Variants in EDA observed in about 807,000 individuals in gnomAD.
The protein encoded by EDA is ectodysplasin-A.
Under a neutral mutation model 23.6 loss-of-function variants are expected in EDA, and 2 were observed. The observed-to-expected ratio is 0.08, with a 90% CI of 0.03 to 0.27. The LOEUF (loss-of-function observed/expected upper bound fraction) is 0.27, where lower values mean the gene tolerates loss of function less well. EDA is among the 10% of genes least tolerant of loss of function. The probability of loss-of-function intolerance (pLI) is 1.00; values close to 1 mark genes in which losing one functional copy is unlikely to be tolerated. For missense variants in EDA, 229 were observed against 324.2 expected (o/e 0.71, Z 2.26); for synonymous variants, 131 against 132.0 (o/e 0.99, Z 0.05).
chrX:69,947,021 C>G (rs1386618366), intron 1 of EDA, among the ~76,000 whole-genome samples: 1 of 112,464 alleles, frequency 8.9e-6, no homozygotes, highest in Non-Finnish European at 1.9e-5. Flanking sequence ...GAATCCAGAG[C>G]TCATTTAATT....
At chrX:69,779,173 A>T (rs759012501) in intron 1 of EDA, among the ~76,000 whole-genome samples, 1 of 111,688 alleles carries the variant, frequency 9.0e-6, no homozygotes, top group South Asian at 3.7e-4. Context: ...TTCCATTCTA[A>T]GGTATATACC....
At chrX:69,810,508 G>A (rs2015928647) in intron 1 of EDA, among the ~76,000 whole-genome samples, 1 of 107,346 alleles carries the variant, frequency 9.3e-6, no homozygotes. Flanking sequence ...TGTAATCCCA[G>A]CACTTTGGGA....
chrX:69,734,493 T>C (rs1263724200), intron 1 of EDA, among the ~76,000 whole-genome samples: 2 of 112,009 alleles, frequency 1.8e-5, no homozygotes, highest in Non-Finnish European at 3.8e-5. Flanking sequence ...TTTGCTCTTC[T>C]TTCTTTAGTG....
chrX:69,711,318 C>T (rs1569304408), intron 1 of EDA, among the ~76,000 whole-genome samples: 1 of 111,552 alleles, frequency 9.0e-6, no homozygotes, highest in Non-Finnish European at 1.9e-5. Context: ...TATGTTGAAC[C>T]AGCCTTGCAT....
chrX:69,845,256 T>C (rs1457015003), intron 1 of EDA, among the ~76,000 whole-genome samples: 1 of 112,563 alleles, frequency 8.9e-6, no homozygotes, highest in East Asian at 2.8e-4. Flanking sequence ...TTACAGTTGG[T>C]TTTAGTGATG....
intron 1 of EDA, among the ~76,000 whole-genome samples, chrX:69,879,154 G>T (rs1048197919): frequency 1.8e-5 from 2 of 109,460 alleles, no homozygotes; most frequent in Non-Finnish European, 3.8e-5. Context: ...TCTGGAACCT[G>T]CACTGTGGAC....
At position 69,822,214 on chromosome X, in the gene EDA, G is replaced by C. The variant is rs141973709; in HGVS notation, c.397-134813G>C. 6.2e-3 allele frequency among the ~76,000 whole-genome samples: 685 copies of C among 110,770 alleles called. 16 individuals carry two copies. Among genetic ancestry groups the C allele is most frequent in the Admixed American group, 0.053 (550 of 10,298 alleles). On this transcript the variant is annotated intron_variant, in intron 1 of 7. Coordinates refer to ENST00000374552, the MANE Select transcript of EDA (RefSeq NM_001399.5). ...GCAGGAGGATGACTTGAGCCAAGGA[G>C]TTCAGGGTTACAATGAGCTATGATC...
intron 1 of EDA, among the ~76,000 whole-genome samples, chrX:69,743,243 T>C (rs1397905803): frequency 1.8e-5 from 2 of 111,871 alleles, no homozygotes; most frequent in African/African-American, 6.5e-5. Context: ...CCGCCGTTGC[T>C]ACTACTACTA....
chrX:69,699,908 G>A (rs2011485979), intron 1 of EDA, among the ~76,000 whole-genome samples: 1 of 110,590 alleles, frequency 9.0e-6, no homozygotes, highest in African/African-American at 3.3e-5. Context: ...GTAGAGTGAA[G>A]GAGGGAACCC....
Position 69,616,648 on chromosome X carries a change from CA to C in EDA, c.341del (p.Gln114ArgfsTer23). On this transcript the variant is annotated frameshift_variant, in exon 1 of 8. Transcript: ENST00000374552. LOFTEE classifies it high-confidence loss of function. ...SHLGQPSPKQ[Q>X]PLEPGEAALH... ...CCTTGGGCAGCCGTCACCTAAGCAG[CA>C]GCCATTGGAACCGGGAGAAGCCGCA... 8.3e-7 allele frequency: 1 copy of C among 1,211,767 alleles called. No individual in the cohort carries two copies. The highest frequency in any genetic ancestry group is 1.1e-6 in the Non-Finnish European group (1 of 895,426).
chrX:69,726,676 G>T (rs2012816020), intron 1 of EDA, among the ~76,000 whole-genome samples: 1 of 112,409 alleles, frequency 8.9e-6, no homozygotes, highest in Non-Finnish European at 1.9e-5. Flanking sequence ...CTAGAGGCTG[G>T]AAAGTCCAAG....
intron 1 of EDA, among the ~76,000 whole-genome samples, chrX:69,822,652 A>G (rs1403821264): frequency 1.8e-5 from 2 of 112,003 alleles, no homozygotes; most frequent in Non-Finnish European, 3.8e-5. Flanking sequence ...AGATTAGACT[A>G]AATAAGTTCT....
rs187606572 is a variant in EDA at position 69,980,836 on chromosome X, T to G, written c.502+23704T>G. Among the ~76,000 whole-genome samples, 310 of 112,035 alleles carry G rather than the reference T, an allele frequency of 2.8e-3. 2 individuals are homozygous for G. The highest frequency in any genetic ancestry group is 3.1e-3 in the Non-Finnish European group (163 of 53,204). On this transcript the variant is annotated intron_variant, in intron 2 of 7. Transcript: ENST00000374552. ...GATATGTTAAATAACTTGAGTAGAG[T>G]TACAGGTGGTGTGGAAAGATAAGAA...
chrX:69,937,297 T>A, intron 1 of EDA: 1 of 681,323 alleles, frequency 1.5e-6, no homozygotes, highest in Non-Finnish European at 2.4e-6. Flanking sequence ...ATTCCTCTCA[T>A]TTTGAAAAAG....
intron 2 of EDA, among the ~76,000 whole-genome samples, chrX:70,008,631 T>C (rs1453874598): frequency 9.0e-6 from 1 of 111,439 alleles, no homozygotes; most frequent in East Asian, 2.8e-4. Flanking sequence ...GTCTGTTTGG[T>C]ATATCAGGGT....
intron 1 of EDA, among the ~76,000 whole-genome samples, chrX:69,860,623 T>C (rs891245290): frequency 1.8e-4 from 20 of 111,435 alleles, no homozygotes; most frequent in African/African-American, 6.2e-4. Context: ...CTTCCCTGTG[T>C]AGGTGACCTG....
chrX:69,963,671 A>G (rs1258099655), intron 2 of EDA, among the ~76,000 whole-genome samples: 1 of 111,739 alleles, frequency 8.9e-6, no homozygotes, highest in African/African-American at 3.3e-5. Context: ...GCAGTAAATG[A>G]TCTCAACAGG....
chrX:69,708,106 C>G (rs1029135843), intron 1 of EDA, among the ~76,000 whole-genome samples: 2 of 111,463 alleles, frequency 1.8e-5, no homozygotes, highest in African/African-American at 6.5e-5. Flanking sequence ...CTTCCGATGC[C>G]AATCTGTTAA....
At position 69,630,693 on chromosome X, in the gene EDA, AC is replaced by A. The variant is rs754342254; in HGVS notation, c.396+13990del. 9.2e-4 allele frequency among the ~76,000 whole-genome samples: 103 copies of A among 112,114 alleles called. 1 individual carries two copies. The highest frequency in any genetic ancestry group is 1.1e-4 in the Non-Finnish European group (6 of 53,178). ...CTCTTTGTCTCGTTAATTATGTAAA[AC>A]TTTTTTTCTAATTACTACCTTATAT... On this transcript the variant is annotated intron_variant, in intron 1 of 7. Transcript: ENST00000374552.
Sources: allele counts gnomAD v4.1 joint callset (sites outside exome capture counted in the v4.1 genomes callset), GRCh38; gene constraint gnomAD v4.1.1; transcripts MANE v1.5; gene names NCBI Gene and HGNC (gene_info 2026-07-23, HGNC 2026-07-21).